NEGR1: variants seen among roughly 807,000 people sequenced by gnomAD.
NEGR1 encodes IgLON family member 4.
A neutral mutation model predicts 40.9 loss-of-function variants in NEGR1; 10 were observed. The observed-to-expected ratio is 0.24, with a 90% CI of 0.15 to 0.42. NEGR1 has a LOEUF of 0.42. NEGR1 is among the 10% of genes least tolerant of loss of function. The pLI, the probability that NEGR1 is intolerant of heterozygous loss-of-function variation, is 1.00. For missense variants in NEGR1, 352 were observed against 438.9 expected, an observed-to-expected ratio of 0.80 and a Z score of 1.77; for synonymous variants, 185 against 166.8, an observed-to-expected ratio of 1.11 and a Z score of -0.84.
chr1:72,274,372 A>T lies in NEGR1; in HGVS notation c.176+7947T>A, dbSNP rs573132399. ...ATAAAGTCATAGGGAAAACTTCTGGATGCCATCCCAAACCGTGGACTATTC... is the reference window on the plus strand; with the variant it reads ...ATAAAGTCATAGGGAAAACTTCTGGTTGCCATCCCAAACCGTGGACTATTC... On this transcript the variant is annotated intron_variant, in intron 1 of 6. Transcript: ENST00000357731. Among the ~76,000 whole-genome samples the T allele has an allele frequency of 2.6e-5, 4 of 152,192 alleles. No individual in the cohort carries two copies. The South Asian group carries it at 8.3e-4, about 32-fold the overall frequency.
intron 3 of NEGR1, among the ~76,000 whole-genome samples, chr1:71,746,772 G>A (rs559993521): frequency 1.2e-3 from 167 of 143,230 alleles, no homozygotes; most frequent in African/African-American, 1.5e-3. Context: ...ACACACACAC[G>A]CACACACACA....
Position 72,282,501 on chromosome 1 carries a change from T to C in NEGR1, c.-7A>G. The stretch of plus-strand genomic sequence containing the variant: ...CCAACAGCATCATGTCCATCCCTGC[T>C]AGGGCTGCTCACTCTCCAGCAGCTT... On this transcript the variant is annotated 5_prime_UTR_variant, in exon 1 of 7. Coordinates refer to ENST00000357731, the MANE Select transcript of NEGR1 (RefSeq NM_173808.3). The C allele has an allele frequency of 6.2e-7, 1 of 1,601,884 alleles. No homozygotes were observed. Among genetic ancestry groups the C allele is most frequent in the Non-Finnish European group, 8.5e-7 (1 of 1,175,142 alleles).
chr1:72,212,725 A>G (rs943661919), intron 1 of NEGR1, among the ~76,000 whole-genome samples: 1 of 152,000 alleles, frequency 6.6e-6, no homozygotes, highest in African/African-American at 2.4e-5. Context: ...TCAAACAGCT[A>G]TTCTAAAATT....
chr1:71,770,870 A>C (rs1656293743), intron 3 of NEGR1, among the ~76,000 whole-genome samples: 1 of 152,202 alleles, frequency 6.6e-6, no homozygotes, highest in Non-Finnish European at 1.5e-5. Flanking sequence ...AATTAGTTCA[A>C]CCATTGTGGA....
At chr1:71,919,127 C>T (rs535212758) in intron 2 of NEGR1, among the ~76,000 whole-genome samples, 1 of 152,304 alleles carries the variant, frequency 6.6e-6, no homozygotes, top group African/African-American at 2.4e-5. Context: ...CAGTAGTTCT[C>T]AGCTCTCACT....
chr1:71,665,288 C>T (rs955667987), intron 4 of NEGR1, among the ~76,000 whole-genome samples: 1 of 152,170 alleles, frequency 6.6e-6, no homozygotes, highest in African/African-American at 2.4e-5. Context: ...CAGTTAAATT[C>T]TGAAGTTCAA....
At chr1:72,161,158 T>C (rs1378823803) in intron 1 of NEGR1, among the ~76,000 whole-genome samples, 1 of 150,428 alleles carries the variant, frequency 6.6e-6, no homozygotes, top group Non-Finnish European at 1.5e-5. Context: ...CTAGGACAGA[T>C]TTGTAAAGAA....
chr1:71,422,444 G>A (rs761255871), intron 6 of NEGR1: 18 of 152,230 alleles, frequency 1.2e-4, no homozygotes, highest in African/African-American at 3.1e-4. Flanking sequence ...TGTCATAATC[G>A]TTTTTGTGTG....
chr1:71,685,687 C>A (rs1355788595), intron 4 of NEGR1, among the ~76,000 whole-genome samples: 3 of 152,104 alleles, frequency 2.0e-5, no homozygotes, highest in Non-Finnish European at 4.4e-5. Flanking sequence ...CGTGTGTACT[C>A]CACTTCCCCC....
chr1:71,764,912 G>A (rs183727079), intron 3 of NEGR1, among the ~76,000 whole-genome samples: 21 of 152,126 alleles, frequency 1.4e-4, no homozygotes, highest in Admixed American at 1.2e-3. Flanking sequence ...AAACCATTTC[G>A]CAATCGGATT....
In NEGR1 at chr1:71,407,257, G is replaced by A. The variant is rs1299950536; in HGVS notation, c.*189C>T. 2.0e-6 allele frequency: 1 copy of A among 498,602 alleles called. No individual in the cohort carries two copies. Among genetic ancestry groups the A allele is most frequent in the Non-Finnish European group, 3.6e-6 (1 of 274,936 alleles). 30.9% of individuals were successfully genotyped at this position (498,602 alleles called of 1,614,324 possible). On this transcript the variant is annotated 3_prime_UTR_variant, in exon 7 of 7. Transcript: ENST00000357731. ...AAGGACAATGTGTACTGCTTCACAA[G>A]GTAATGTAGCTAATCAAAAAAGAGT...
At chr1:71,622,572 T>G (rs1650643770) in intron 4 of NEGR1, among the ~76,000 whole-genome samples, 1 of 151,958 alleles carries the variant, frequency 6.6e-6, no homozygotes, top group Non-Finnish European at 1.5e-5. Flanking sequence ...CTACTTGTAT[T>G]AATCATTCAA....
chr1:71,444,217 T>C (rs1318175007), intron 6 of NEGR1, among the ~76,000 whole-genome samples: 1 of 152,154 alleles, frequency 6.6e-6, no homozygotes, highest in East Asian at 1.9e-4. Flanking sequence ...ATGGAGATTG[T>C]TATGACCAGA....
intron 6 of NEGR1, among the ~76,000 whole-genome samples, chr1:71,472,890 G>A (rs1646791484): frequency 6.6e-6 from 1 of 151,900 alleles, no homozygotes; most frequent in African/African-American, 2.4e-5. Context: ...ACAATAATTG[G>A]ATGTTCTAAC....
intron 1 of NEGR1, among the ~76,000 whole-genome samples, chr1:72,178,621 GACTA>G (rs563340442): frequency 1.7e-4 from 26 of 151,542 alleles, no homozygotes; most frequent in East Asian, 9.7e-4. Flanking sequence ...AATTAAACAT[GACTA>G]ACTAACTTAC....
At chr1:72,125,401 T>C (rs1649972063) in intron 1 of NEGR1, among the ~76,000 whole-genome samples, 2 of 152,092 alleles carry the variant, frequency 1.3e-5, no homozygotes, top group South Asian at 4.1e-4. Flanking sequence ...CACTCTATCA[T>C]TACTTATAGT....
intron 1 of NEGR1, among the ~76,000 whole-genome samples, chr1:72,184,591 A>T (rs894248815): frequency 2.0e-5 from 3 of 152,054 alleles, no homozygotes; most frequent in Admixed American, 2.0e-4. Context: ...TGACAGAAGA[A>T]GATGATTAGA....
intron 1 of NEGR1, among the ~76,000 whole-genome samples, chr1:71,966,704 A>C (rs570168664): frequency 2.1e-4 from 32 of 152,318 alleles, no homozygotes; most frequent in Admixed American, 1.9e-3. Flanking sequence ...CTTTTGCAGC[A>C]TGCTGAAAAT....
intron 2 of NEGR1, among the ~76,000 whole-genome samples, chr1:71,829,408 C>T (rs1658759548): frequency 6.6e-6 from 1 of 151,852 alleles, no homozygotes; most frequent in Admixed American, 6.6e-5. Context: ...AGGCAGACAA[C>T]CAGTCTTTTT....
Sources: gnomAD v4.1 joint callset for allele counts (sites outside exome capture counted in the v4.1 genomes callset) on GRCh38, gnomAD v4.1.1 for gene constraint, MANE v1.5 for transcripts, NCBI Gene and HGNC (gene_info 2026-07-23, HGNC 2026-07-21) for gene names.